PTGES3: variants seen among roughly 807,000 people sequenced by gnomAD.
PTGES3 encodes Hsp90 co-chaperone.
In PTGES3, 5 loss-of-function variants were observed where a neutral mutation model predicts 29.9. The ratio of observed to expected loss-of-function variants is 0.17; its 90% CI spans 0.09 to 0.35. PTGES3 has a LOEUF of 0.35. Among genes scored for constraint, PTGES3 ranks in the 10% least tolerant of loss-of-function variants. The pLI is 1.00. For missense variants in PTGES3, 128 were observed against 190.0 expected (o/e 0.67, Z 1.92); for synonymous variants, 49 against 57.8 (o/e 0.85, Z 0.69).
chr12:56,674,825 CAAAAAAAAAAAAA>C (rs869222252), intron 1 of PTGES3, among the ~76,000 whole-genome samples: 9 of 16,110 alleles, frequency 5.6e-4, no homozygotes, highest in Admixed American at 4.0e-3. Flanking sequence ...GACTCCATCT[CAAAAAAAAAAAAA>C]AAAAAAAAAA....
intron 1 of PTGES3, 75 bp downstream of exon 1, chr12:56,687,923 G>A: frequency 1.2e-6 from 2 of 1,603,406 alleles, no homozygotes; most frequent in Non-Finnish European, 1.7e-6. Context: ...AAGGCTAGGG[G>A]GCCGCTTCCA....
chr12:56,686,169 T>G (rs1186387878), intron 1 of PTGES3, among the ~76,000 whole-genome samples: 1 of 152,130 alleles, frequency 6.6e-6, no homozygotes, highest in Non-Finnish European at 1.5e-5. Context: ...CATCAAATGC[T>G]TCTACTTCAA....
At chr12:56,676,208 A>G (rs1259350549) in intron 1 of PTGES3, among the ~76,000 whole-genome samples, 1 of 141,720 alleles carries the variant, frequency 7.1e-6, no homozygotes, top group Non-Finnish European at 1.5e-5. Flanking sequence ...CCTGGGCAAC[A>G]GAGAGAGGCT....
chr12:56,687,004 TCAA>T, intron 1 of PTGES3: 10 of 43,074 alleles, frequency 2.3e-4, no homozygotes, highest in East Asian at 3.4e-4. Context: ...TAACCTCCCG[TCAA>T]AAAAAAAAAA....
intron 2 of PTGES3, 37 bp downstream of exon 2, chr12:56,672,915 G>T: frequency 6.4e-7 from 1 of 1,563,388 alleles, no homozygotes; most frequent in Non-Finnish European, 8.7e-7. Context: ...TTGTGTGAAT[G>T]ACTATTTTAC....
chr12:56,671,727 A>C, intron 4 of PTGES3, 22 bp downstream of exon 4: 1 of 1,446,124 alleles, frequency 6.9e-7, no homozygotes, highest in East Asian at 2.4e-5. Context: ...CAAACTTTTC[A>C]AAAAAGGAAA....
chr12:56,669,048 C>T (rs978480336), intron 5 of PTGES3, among the ~76,000 whole-genome samples: 6 of 132,154 alleles, frequency 4.5e-5, no homozygotes, highest in Admixed American at 9.2e-5. Flanking sequence ...CTTGCTCTGT[C>T]GCCCAGGCTG....
At chr12:56,680,403 G>C (rs1952477358) in intron 1 of PTGES3, among the ~76,000 whole-genome samples, 1 of 150,960 alleles carries the variant, frequency 6.6e-6, no homozygotes. Flanking sequence ...TTTTTTTGGG[G>C]GGACAGAGTT....
chr12:56,687,779 G>T, intron 1 of PTGES3: 1 of 1,384,896 alleles, frequency 7.2e-7, no homozygotes, highest in African/African-American at 1.5e-5. Context: ...GCATGGGGAA[G>T]CCAAGGAACG....
At chr12:56,664,701 G>A in intron 7 of PTGES3, 75 bp downstream of exon 7, 1 of 1,516,736 alleles carries the variant, frequency 6.6e-7, no homozygotes, top group Non-Finnish European at 9.0e-7. Context: ...TTCCAAAGAA[G>A]TTAACATCTC....
chr12:56,669,616 CATTT>C (rs900566506), intron 5 of PTGES3, among the ~76,000 whole-genome samples: 3 of 151,680 alleles, frequency 2.0e-5, no homozygotes, highest in Admixed American at 1.3e-4. Flanking sequence ...TATCGTTCTG[CATTT>C]ATTTATTTAT....
At chr12:56,685,563 G>A (rs1191846867) in intron 1 of PTGES3, among the ~76,000 whole-genome samples, 9 of 151,524 alleles carry the variant, frequency 5.9e-5, no homozygotes, top group African/African-American at 2.2e-4. Flanking sequence ...ACCACACCCG[G>A]CTAATTTTTT....
At position 56,669,681 on chromosome 12, in the gene PTGES3, G is replaced by A. The variant is rs537255303; in HGVS notation, c.375+594C>T. Among the ~76,000 whole-genome samples the A allele has an allele frequency of 9.4e-4, 143 of 152,152 alleles. 1 individual carries two copies. The highest frequency in any genetic ancestry group is 1.6e-3 in the Non-Finnish European group (107 of 68,016). Reference sequence around the variant, plus strand: ...GGCTGGAGTCCAGTGGCACGATCTCGGCTCACTGCATCCTCTGCCTCCAGC... The same window carrying A: ...GGCTGGAGTCCAGTGGCACGATCTCAGCTCACTGCATCCTCTGCCTCCAGC... On this transcript the variant is annotated intron_variant, in intron 5 of 7. Coordinates refer to ENST00000262033, the MANE Select transcript of PTGES3 (RefSeq NM_006601.7).
intron 1 of PTGES3, 107 bp downstream of exon 1, chr12:56,687,891 G>A (rs1952959447): frequency 5.0e-6 from 8 of 1,588,132 alleles, no homozygotes; most frequent in South Asian, 3.3e-5. Flanking sequence ...AGGCAGGAAC[G>A]ACTGCCACCA....
At chr12:56,668,626 A>G (rs1285945962) in intron 5 of PTGES3, among the ~76,000 whole-genome samples, 1 of 152,198 alleles carries the variant, frequency 6.6e-6, no homozygotes, top group Non-Finnish European at 1.5e-5. Flanking sequence ...TTAAAAAATA[A>G]TATGAATAGA....
chr12:56,675,880 G>A (rs925619857), intron 1 of PTGES3, among the ~76,000 whole-genome samples: 5 of 152,112 alleles, frequency 3.3e-5, no homozygotes, highest in East Asian at 1.9e-4. Flanking sequence ...CCCAGACCAC[G>A]CCATTGCACT....
chr12:56,671,632 G>T, intron 4 of PTGES3, 117 bp downstream of exon 4: 3 of 536,912 alleles, frequency 5.6e-6, no homozygotes, highest in East Asian at 3.3e-5. Flanking sequence ...TGAACATGAG[G>T]CTTTATACTT....
At chr12:56,664,631 A>C in intron 7 of PTGES3, 133 bp from the exon 8 acceptor site, 2 of 1,371,598 alleles carry the variant, frequency 1.5e-6, no homozygotes, top group Admixed American at 2.3e-5. Context: ...CTTGCTATCA[A>C]GTTATTCACA....
At chr12:56,674,661 C>T (rs1362037673) in intron 1 of PTGES3, among the ~76,000 whole-genome samples, 1 of 151,372 alleles carries the variant, frequency 6.6e-6, no homozygotes, top group African/African-American at 2.4e-5. Flanking sequence ...CCTGTCTCTA[C>T]TAAAAATACA....
Sources: gnomAD v4.1 joint callset for allele counts (sites outside exome capture counted in the v4.1 genomes callset) on GRCh38, gnomAD v4.1.1 for gene constraint, MANE v1.5 for transcripts, NCBI Gene and HGNC (gene_info 2026-07-23, HGNC 2026-07-21) for gene names.